DNTT: variants seen among roughly 807,000 people sequenced by gnomAD.
The protein encoded by DNTT is nucleosidetriphosphate:DNA deoxynucleotidylexotransferase.
Under a neutral mutation model 60.9 loss-of-function variants are expected in DNTT, and 47 were observed. The ratio of observed to expected loss-of-function variants is 0.77; its 90% CI spans 0.61 to 0.98. The LOEUF is 0.98. Ranked by LOEUF, DNTT falls within the 50% of genes least tolerant of loss-of-function variation. The probability of loss-of-function intolerance (pLI) is 0.00; values close to 1 mark genes in which losing one functional copy is unlikely to be tolerated. For missense variants in DNTT, 665 were observed against 627.5 expected (o/e 1.06, Z -0.64); for synonymous variants, 224 against 221.2 (o/e 1.01, Z -0.11).
chr10:96,316,970 C>A (rs1487233580), intron 1 of DNTT, among the ~76,000 whole-genome samples: 1 of 151,968 alleles, frequency 6.6e-6, no homozygotes, highest in Non-Finnish European at 1.5e-5. Flanking sequence ...GAATCAGATT[C>A]TATCAAAAAA....
At chr10:96,338,044 AC>A (rs2133998374) in intron 10 of DNTT, 93 bp from the exon 11 acceptor site, 1 of 1,090,812 alleles carries the variant, frequency 9.2e-7, no homozygotes, top group South Asian at 1.7e-5. Flanking sequence ...ATTCATTCTG[AC>A]AAGGCAATTT....
chr10:96,336,807 C>G (rs903460572), intron 10 of DNTT, among the ~76,000 whole-genome samples: 1 of 151,554 alleles, frequency 6.6e-6, no homozygotes, highest in Non-Finnish European at 1.5e-5. Flanking sequence ...CCAGGTGTGG[C>G]GGCTCGCACA....
At chr10:96,326,301 T>C (rs1844938470) in intron 6 of DNTT, among the ~76,000 whole-genome samples, 2 of 152,218 alleles carry the variant, frequency 1.3e-5, no homozygotes, top group South Asian at 4.1e-4. Flanking sequence ...GTTGCAATAA[T>C]TTTTAGAAAT....
intron 1 of DNTT, among the ~76,000 whole-genome samples, chr10:96,305,275 G>A (rs1037436153): frequency 2.0e-5 from 3 of 152,190 alleles, no homozygotes; most frequent in African/African-American, 7.2e-5. Flanking sequence ...TGTATTCACT[G>A]TTAAGACAGC....
Position 96,327,560 on chromosome 10 carries a change from C to A in DNTT, c.967C>A (p.Leu323Ile), listed in dbSNP as rs778131462. ...VLVKEAVWAFLPDAFVTMTGG... is the reference protein window; with the variant it reads ...VLVKEAVWAFIPDAFVTMTGG... ...GGTTAAAGAGGCTGTCTGGGCATTT[C>A]TTCCGGATGCTTTCGTCACCATGAC... Residue 323 changes from leucine to isoleucine, a missense_variant, in exon 7 of 11, where the codon CTT (leucine) becomes ATT (isoleucine). By Grantham distance (5) the Leu-to-Ile change is conservative. Coordinates refer to ENST00000371174, the MANE Select transcript of DNTT (RefSeq NM_004088.4). 1 of 1,614,036 alleles carries A rather than the reference C, an allele frequency of 6.2e-7. No homozygotes were observed. The highest frequency in any genetic ancestry group is 1.1e-5 in the South Asian group (1 of 91,064).
At chr10:96,321,055 C>A (rs1343606492) in intron 4 of DNTT, among the ~76,000 whole-genome samples, 1 of 151,960 alleles carries the variant, frequency 6.6e-6, no homozygotes, top group Non-Finnish European at 1.5e-5. Context: ...CACCAAAATA[C>A]GTTAGTGGTG....
intron 10 of DNTT, among the ~76,000 whole-genome samples, chr10:96,337,352 G>A (rs1342070603): frequency 6.6e-6 from 1 of 152,212 alleles, no homozygotes; most frequent in Non-Finnish European, 1.5e-5. Flanking sequence ...GGAATTGGGA[G>A]CAGCTGCACC....
chr10:96,324,401 C>T lies in DNTT; in HGVS notation c.874+12C>T, dbSNP rs1192251391. The T allele has an allele frequency of 1.2e-6, 2 of 1,613,476 alleles. No homozygotes were observed. Among genetic ancestry groups the T allele is most frequent in the Non-Finnish European group, 1.7e-6 (2 of 1,179,592 alleles). On this transcript the variant is annotated intron_variant, in intron 6 of 10. Coordinates refer to ENST00000371174, the MANE Select transcript of DNTT (RefSeq NM_004088.4). ...AATGCAGAAAGCAGGTAAATTGTCT[C>T]TCCTAAAAGTCATTGTTGCTATGGG...
chr10:96,322,701 A>G lies in DNTT; in HGVS notation c.723A>G (p.Leu241=), dbSNP rs140275341. ...AAAGTTCTGAAGTTAAAGCTGTGTT[A>G]AATGATGAACGATATCAATCCTTCA... ...DGESSEVKAV[L]NDERYQSFKL... Residue 241 remains leucine (L), a synonymous_variant, in exon 5 of 11, where the codon TTA becomes TTG. Coordinates refer to ENST00000371174, the MANE Select transcript of DNTT (RefSeq NM_004088.4). The G allele has an allele frequency of 6.2e-7, 1 of 1,601,874 alleles. No homozygotes were observed. Among genetic ancestry groups the G allele is most frequent in the African/African-American group, 1.3e-5 (1 of 74,886 alleles).
At chr10:96,327,698 G>A (rs1844955066) in intron 7 of DNTT, 98 bp downstream of exon 7, 1 of 1,509,202 alleles carries the variant, frequency 6.6e-7, no homozygotes, top group Non-Finnish European at 8.8e-7. Context: ...CTGTGATCTG[G>A]TGCCAGCTTC....
intron 4 of DNTT, 61 bp downstream of exon 4, chr10:96,320,849 G>T (rs1427008924): frequency 6.3e-7 from 1 of 1,584,586 alleles, no homozygotes. Context: ...GGGGAGAGAG[G>T]GATGTAGCTA....
At chr10:96,310,181 T>C (rs1844697943) in intron 1 of DNTT, among the ~76,000 whole-genome samples, 1 of 152,234 alleles carries the variant, frequency 6.6e-6, no homozygotes, top group African/African-American at 2.4e-5. Flanking sequence ...CCCAGTTTTT[T>C]AAAAGTCTCA....
intron 9 of DNTT, among the ~76,000 whole-genome samples, chr10:96,335,313 G>T (rs117593110): frequency 6.6e-6 from 1 of 152,234 alleles, no homozygotes; most frequent in East Asian, 1.9e-4. Flanking sequence ...TGACTTAGAC[G>T]ATCAGTTTCA....
Position 96,304,559 on chromosome 10 carries a change from C to T in DNTT, c.62C>T (p.Ala21Val), listed in dbSNP as rs749423194. The change falls in exon 1 of 11, where the codon GCC (alanine) becomes GTC (valine). Residue 21 changes from alanine (A) to valine (V), a missense_variant. Coordinates refer to ENST00000371174, the MANE Select transcript of DNTT (RefSeq NM_004088.4). ...PRKKRPRQTG[A>V]LMASSPQDIK... ...AAGAAGAGACCCCGGCAGACGGGTG[C>T]CTTGATGGCCTCCTCTCCTCAAGAC... 3.1e-6 allele frequency: 5 copies of T among 1,614,036 alleles called. No individual in the cohort carries two copies. The highest frequency in any genetic ancestry group is 3.3e-5 in the Admixed American group (2 of 60,004).
intron 9 of DNTT, among the ~76,000 whole-genome samples, chr10:96,333,777 G>A (rs892674051): frequency 5.9e-5 from 9 of 152,180 alleles, no homozygotes; most frequent in Admixed American, 2.0e-4. Flanking sequence ...AGTCAAACTC[G>A]TAGAAGTACA....
rs1845016222 is a variant in DNTT at position 96,332,344 on chromosome 10, T to A, written c.1114-7T>A. On this transcript the variant is annotated splice_polypyrimidine_tract_variant and splice_region_variant and intron_variant, in intron 8 of 10. Transcript: ENST00000371174. ...CCTTTTCCTGATGCCATTCTGTTTC[T>A]TTTCAGGGATTACTTTTATATTATG... The A allele has an allele frequency of 6.2e-7, 1 of 1,611,308 alleles. No homozygotes were observed. Among genetic ancestry groups the A allele is most frequent in the Admixed American group, 1.7e-5 (1 of 59,832 alleles).
intron 1 of DNTT, among the ~76,000 whole-genome samples, chr10:96,317,450 T>G (rs1844799850): frequency 6.6e-6 from 1 of 152,218 alleles, no homozygotes; most frequent in African/African-American, 2.4e-5. Flanking sequence ...TCTTGAAGGC[T>G]GGTTATAAAT....
chr10:96,335,252 T>C (rs1420292907), intron 9 of DNTT, among the ~76,000 whole-genome samples: 1 of 152,220 alleles, frequency 6.6e-6, no homozygotes, highest in African/African-American at 2.4e-5. Flanking sequence ...TATTGCTCCC[T>C]TCAGTCTCAG....
chr10:96,328,586 A>C, intron 7 of DNTT, 139 bp from the exon 8 acceptor site: 1 of 721,862 alleles, frequency 1.4e-6, no homozygotes, highest in South Asian at 2.2e-5. Context: ...GTAACCAAGG[A>C]TATTTTGTTT....
Sources: gnomAD v4.1 joint callset for allele counts (sites outside exome capture counted in the v4.1 genomes callset) on GRCh38, gnomAD v4.1.1 for gene constraint, MANE v1.5 for transcripts, NCBI Gene and HGNC (gene_info 2026-07-23, HGNC 2026-07-21) for gene names.